Variants in FGF14 observed in about 807,000 individuals in gnomAD.
The protein encoded by FGF14 is fibroblast growth factor homologous factor 4.
In FGF14, 5 loss-of-function variants were observed where a neutral mutation model predicts 25.5. The observed-to-expected ratio is 0.20, with a 90% CI of 0.10 to 0.41. The LOEUF (loss-of-function observed/expected upper bound fraction) is 0.41, where lower values mean the gene tolerates loss of function less well. Among genes scored for constraint, FGF14 ranks in the 10% least tolerant of loss-of-function variants. The pLI is 1.00. For missense variants in FGF14, 222 were observed against 320.1 expected (o/e 0.69, Z 2.34); for synonymous variants, 138 against 118.3 (o/e 1.17, Z -1.08).
rs2042499763 is a variant in FGF14, at chr13:101,828,338, T to C, written c.408+40387A>G. On this transcript the variant is annotated intron_variant, in intron 3 of 4. Transcript: ENST00000376143. ...AAGACTGCTCATCGAGAATTGAATA[T>C]GCACACTGGATCCTGCCTCCAAGTC... Among the ~76,000 whole-genome samples the C allele has an allele frequency of 2.0e-5, 3 of 152,090 alleles. No homozygotes were observed. In the South Asian group the frequency reaches 6.2e-4, roughly 31 times the overall value.
At chr13:102,374,512 G>T (rs1455901185) in intron 1 of FGF14, among the ~76,000 whole-genome samples, 1 of 150,948 alleles carries the variant, frequency 6.6e-6, no homozygotes. Context: ...TAGAAAGGCT[G>T]GCAGAAGTAT....
chr13:102,315,827 T>G (rs1031876431), intron 1 of FGF14, among the ~76,000 whole-genome samples: 6 of 152,186 alleles, frequency 3.9e-5, no homozygotes, highest in Non-Finnish European at 8.8e-5. Context: ...TATTGAAGCT[T>G]TAATTCCCTC....
chr13:102,059,274 T>C (rs1321258115), intron 1 of FGF14, among the ~76,000 whole-genome samples: 1 of 152,192 alleles, frequency 6.6e-6, no homozygotes, highest in East Asian at 1.9e-4. Context: ...TACTACCAAG[T>C]GTGGCATCTC....
chr13:101,848,823 G>C (rs2043597318), intron 3 of FGF14, among the ~76,000 whole-genome samples: 1 of 151,940 alleles, frequency 6.6e-6, no homozygotes, highest in African/African-American at 2.4e-5. Context: ...CAACTTTTCT[G>C]TAAGTTTGAA....
intron 1 of FGF14, among the ~76,000 whole-genome samples, chr13:101,912,206 A>T (rs527379316): frequency 6.6e-6 from 1 of 152,236 alleles, no homozygotes; most frequent in African/African-American, 2.4e-5. Flanking sequence ...TTAACTTGAA[A>T]ACACATTTTA....
At chr13:101,874,797 A>T (rs1369280593) in intron 2 of FGF14, among the ~76,000 whole-genome samples, 1 of 152,140 alleles carries the variant, frequency 6.6e-6, no homozygotes, top group Admixed American at 6.6e-5. Flanking sequence ...TTGAGTTTCC[A>T]CAGGCATCGT....
intron 3 of FGF14, among the ~76,000 whole-genome samples, chr13:101,827,643 C>A (rs996091062): frequency 2.0e-5 from 3 of 151,714 alleles, no homozygotes; most frequent in African/African-American, 7.3e-5. Flanking sequence ...AAATATTTGA[C>A]AATGAAAACA....
At chr13:101,876,356 C>T (rs555128613) in intron 1 of FGF14, among the ~76,000 whole-genome samples, 8 of 152,114 alleles carry the variant, frequency 5.3e-5, no homozygotes, top group Non-Finnish European at 7.4e-5. Flanking sequence ...AATCCGCTGT[C>T]GAAACAGTCG....
intron 1 of FGF14, among the ~76,000 whole-genome samples, chr13:102,070,120 G>T (rs558009490): frequency 6.6e-6 from 1 of 152,272 alleles, no homozygotes; most frequent in East Asian, 1.9e-4. Flanking sequence ...GAAAATATTT[G>T]CAAATGATCC....
intron 1 of FGF14, among the ~76,000 whole-genome samples, chr13:101,928,295 C>A (rs2034509436): frequency 6.6e-6 from 1 of 152,138 alleles, no homozygotes; most frequent in Non-Finnish European, 1.5e-5. Context: ...CTTTTTAGTA[C>A]ATATTAACAT....
intron 1 of FGF14, among the ~76,000 whole-genome samples, chr13:102,012,471 C>CACAT (rs74339426): frequency 0.06 from 9,066 of 152,134 alleles, 321 homozygotes; most frequent in Middle Eastern, 0.075. Context: ...AAGGTTCATA[C>CACAT]ACATGCTCCT....
At chr13:101,920,484 T>C (rs374103793), upstream of FGF14, among the ~76,000 whole-genome samples, 29 of 152,326 alleles carry the variant, frequency 1.9e-4, 1 homozygote, top group East Asian at 9.7e-4. Flanking sequence ...CCTTTTCAAC[T>C]GCTGTGAGAT....
At chr13:102,389,678 A>C (rs550841281) in intron 1 of FGF14, among the ~76,000 whole-genome samples, 1 of 152,326 alleles carries the variant, frequency 6.6e-6, no homozygotes, top group South Asian at 2.1e-4. Flanking sequence ...CTTTGCTAGA[A>C]GCCCCTTAAA....
At position 101,799,910 on chromosome 13, in the gene FGF14, T is replaced by A. The variant is rs546973450; in HGVS notation, c.408+68815A>T. Among the ~76,000 whole-genome samples the A allele has an allele frequency of 3.3e-5, 5 of 152,270 alleles. No homozygotes were observed. In the East Asian group the frequency reaches 9.6e-4, roughly 29 times the overall value. ...CATGGAAATTACAAGGAGGGTTGCATGATAACATGTATAGAAGATTGTATA... is the reference window on the plus strand; with the variant it reads ...CATGGAAATTACAAGGAGGGTTGCAAGATAACATGTATAGAAGATTGTATA... On this transcript the variant is annotated intron_variant, in intron 3 of 4. Coordinates refer to ENST00000376143, the MANE Select transcript of FGF14 (RefSeq NM_004115.4).
At chr13:101,968,570 G>A (rs1294499547) in intron 1 of FGF14, among the ~76,000 whole-genome samples, 1 of 151,782 alleles carries the variant, frequency 6.6e-6, no homozygotes. Flanking sequence ...CTACTCGGGA[G>A]GCTGAGGCAG....
intron 1 of FGF14, among the ~76,000 whole-genome samples, chr13:102,275,262 T>TTTCTCTCTCTCTCTCTCTC (rs2053473719): frequency 1.7e-4 from 12 of 68,984 alleles, no homozygotes; most frequent in African/African-American, 5.5e-4. Context: ...CTCTCTCTCT[T>TTTCTCTCTCTCTCTCTCTC]TCTCTCTCTC....
intron 1 of FGF14, among the ~76,000 whole-genome samples, chr13:102,092,268 C>A (rs1300244243): frequency 6.6e-6 from 1 of 152,272 alleles, no homozygotes; most frequent in South Asian, 2.1e-4. Context: ...CCATGCCATA[C>A]AAGATATGAA....
At chr13:102,011,355 A>G (rs562116657) in intron 1 of FGF14, among the ~76,000 whole-genome samples, 4 of 152,370 alleles carry the variant, frequency 2.6e-5, no homozygotes, top group South Asian at 4.1e-4. Context: ...ACCTGGGAGA[A>G]TAAGACTTAA....
chr13:101,936,582 G>A (rs1266768543), intron 1 of FGF14, among the ~76,000 whole-genome samples: 1 of 152,126 alleles, frequency 6.6e-6, no homozygotes. Flanking sequence ...ATTTTAATTA[G>A]TGCCTGTTCC....
Sources: allele counts gnomAD v4.1 joint callset (sites outside exome capture counted in the v4.1 genomes callset), GRCh38; gene constraint gnomAD v4.1.1; transcripts MANE v1.5; gene names NCBI Gene and HGNC (gene_info 2026-07-23, HGNC 2026-07-21).